Variants in NTN1 observed in about 807,000 individuals in gnomAD.
The protein encoded by NTN1 is netrin-1.
NTN1 carries 11 observed loss-of-function variants against 54.2 expected under a neutral mutation model. The observed-to-expected ratio is 0.20, with a 90% CI of 0.13 to 0.34. The LOEUF (loss-of-function observed/expected upper bound fraction) is 0.34, where lower values mean the gene tolerates loss of function less well. Among genes scored for constraint, NTN1 ranks in the 10% least tolerant of loss-of-function variants. The probability of loss-of-function intolerance (pLI) is 1.00; values close to 1 mark genes in which losing one functional copy is unlikely to be tolerated. For missense variants in NTN1, 740 were observed against 893.1 expected (o/e 0.83, Z 2.18); for synonymous variants, 371 against 382.0 (o/e 0.97, Z 0.33).
At chr17:9,114,166 A>AAAATATATATATAT (rs1555569108) in intron 2 of NTN1, among the ~76,000 whole-genome samples, 1 of 74,622 alleles carries the variant, frequency 1.3e-5, no homozygotes, top group African/African-American at 5.8e-5. Context: ...AAAAAAAAAA[A>AAAATATATATATAT]ATATATATAT....
chr17:9,102,760 G>C (rs1300869568), intron 2 of NTN1, among the ~76,000 whole-genome samples: 1 of 152,184 alleles, frequency 6.6e-6, no homozygotes, highest in East Asian at 1.9e-4. Flanking sequence ...AGTAGCTTGT[G>C]ATATGTCATA....
At chr17:9,138,916 G>A (rs2092289369) in intron 2 of NTN1, among the ~76,000 whole-genome samples, 1 of 152,172 alleles carries the variant, frequency 6.6e-6, no homozygotes, top group African/African-American at 2.4e-5. Flanking sequence ...TTGGGGCAGT[G>A]AGCAGATGCA....
In NTN1 at chr17:9,127,914, C is replaced by G. The variant is rs1247964096; in HGVS notation, c.1019-34899C>G. Among the ~76,000 whole-genome samples the G allele has an allele frequency of 2.6e-5, 4 of 151,454 alleles. No homozygotes were observed. In the East Asian group the frequency reaches 7.8e-4, roughly 29 times the overall value. On this transcript the variant is annotated intron_variant, in intron 2 of 6. Coordinates refer to ENST00000173229, the MANE Select transcript of NTN1 (RefSeq NM_004822.3). ...GGTGGATCACCTGAGGTCGGGAGTT[C>G]GAGACCAGCCTGGCCAACATGGTGA...
intron 2 of NTN1, among the ~76,000 whole-genome samples, chr17:9,132,788 C>G (rs2092269830): frequency 6.6e-6 from 1 of 152,170 alleles, no homozygotes; most frequent in South Asian, 2.1e-4. Context: ...GCAGGAGATT[C>G]ACTTGAACCC....
intron 2 of NTN1, among the ~76,000 whole-genome samples, chr17:9,152,853 C>G (rs1041933950): frequency 2.0e-5 from 3 of 152,182 alleles, no homozygotes; most frequent in African/African-American, 7.2e-5. Flanking sequence ...GGTCACACAC[C>G]TGGGGGAGTC....
chr17:9,005,086 C>G, the NTN1 span, among the ~76,000 whole-genome samples: 5 of 152,190 alleles, frequency 3.3e-5, no homozygotes, highest in African/African-American at 1.2e-4. Context: ...GCTCCCACCA[C>G]TGACCACCAA....
At chr17:9,107,227 G>A (rs1456833875) in intron 2 of NTN1, among the ~76,000 whole-genome samples, 3 of 152,200 alleles carry the variant, frequency 2.0e-5, no homozygotes, top group Admixed American at 2.0e-4. Flanking sequence ...AAACTGTTTG[G>A]AGACATTTTG....
intron 2 of NTN1, among the ~76,000 whole-genome samples, chr17:9,077,980 G>C (rs2092057015): frequency 1.3e-5 from 2 of 152,154 alleles, no homozygotes; most frequent in African/African-American, 4.8e-5. Flanking sequence ...CCACTCCTGT[G>C]TTCCCATTCC....
At chr17:9,074,310 C>T (rs2092042103) in intron 2 of NTN1, among the ~76,000 whole-genome samples, 1 of 152,232 alleles carries the variant, frequency 6.6e-6, no homozygotes, top group South Asian at 2.1e-4. Context: ...GGTGCTGTGA[C>T]TCATTCTCAT....
In NTN1 at chr17:9,178,302, C is replaced by T. The variant is rs138297434; in HGVS notation, c.1208-1505C>T. ...GGCAGGGAGCCCTGTAGGCTGCCCC[C>T]GTGCCAGGGCCTGTGCCCCCACCCT... On this transcript the variant is annotated intron_variant, in intron 3 of 6. Coordinates refer to ENST00000173229, the MANE Select transcript of NTN1 (RefSeq NM_004822.3). Among the ~76,000 whole-genome samples the T allele has an allele frequency of 3.9e-3, 593 of 152,334 alleles. 5 individuals are homozygous for T. The highest frequency in any genetic ancestry group is 0.023 in the East Asian group (120 of 5,164).
rs996159542 is a variant in NTN1, at chr17:9,211,315, C to T, written c.1412-9853C>T. Among the ~76,000 whole-genome samples the T allele has an allele frequency of 6.6e-6, 1 of 152,180 alleles. No homozygotes were observed. Among genetic ancestry groups the T allele is most frequent in the African/African-American group, 2.4e-5 (1 of 41,448 alleles). On this transcript the variant is annotated intron_variant, in intron 5 of 6. Coordinates refer to ENST00000173229, the MANE Select transcript of NTN1 (RefSeq NM_004822.3). The surrounding 1 kb of genome is among the most constrained non-coding windows in gnomAD (Gnocchi z 4.4). The stretch of plus-strand genomic sequence containing the variant: ...GGCTGATCCCTTGTCATCTGAGTGT[C>T]ACCTCCTGGGATGGGTCTAAGTAGG...
At chr17:9,052,003 G>A (rs144998649) in intron 2 of NTN1, among the ~76,000 whole-genome samples, 2 of 151,178 alleles carry the variant, frequency 1.3e-5, no homozygotes, top group Non-Finnish European at 2.9e-5. Context: ...GCGGAGTTTC[G>A]CTCTTGCTGC....
At chr17:9,189,936 A>G (rs934472857) in intron 5 of NTN1, among the ~76,000 whole-genome samples, 3 of 152,224 alleles carry the variant, frequency 2.0e-5, no homozygotes, top group African/African-American at 7.2e-5. Flanking sequence ...CAAGGTAGCC[A>G]GGGTGAGACA....
At chr17:9,196,152 G>A (rs1904629207) in intron 5 of NTN1, among the ~76,000 whole-genome samples, 1 of 152,156 alleles carries the variant, frequency 6.6e-6, no homozygotes, top group Non-Finnish European at 1.5e-5. Context: ...CAGGGCCTGG[G>A]GTGCAGAGCC....
At chr17:9,210,560 G>A (rs1905078338) in intron 5 of NTN1, among the ~76,000 whole-genome samples, 1 of 152,004 alleles carries the variant, frequency 6.6e-6, no homozygotes, top group African/African-American at 2.4e-5. Context: ...GAATACAGAT[G>A]TCATTTACTA....
intron 6 of NTN1, among the ~76,000 whole-genome samples, chr17:9,223,494 G>A (rs1204081438): frequency 6.6e-6 from 1 of 152,098 alleles, no homozygotes; most frequent in Non-Finnish European, 1.5e-5. Flanking sequence ...AGAGGTTGCA[G>A]TGAGCTGAGA....
chr17:9,043,080 T>G (rs1351919351), intron 2 of NTN1, among the ~76,000 whole-genome samples: 2 of 152,230 alleles, frequency 1.3e-5, no homozygotes, highest in Non-Finnish European at 2.9e-5. Flanking sequence ...TCTGGTAATT[T>G]GTTTTTTTTT....
intron 2 of NTN1, among the ~76,000 whole-genome samples, chr17:9,072,774 C>T (rs970812169): frequency 2.6e-5 from 4 of 152,214 alleles, no homozygotes; most frequent in Non-Finnish European, 5.9e-5. Flanking sequence ...AAGGGAGGCC[C>T]TGCCAAGCCC....
In NTN1 at chr17:9,022,691, C is replaced by T. The variant is rs1002515710; in HGVS notation, c.318C>T (p.Ala106=). The T allele has an allele frequency of 5.0e-6, 8 of 1,592,504 alleles. No individual in the cohort carries two copies. Among genetic ancestry groups the T allele is most frequent in the Non-Finnish European group, 5.1e-6 (6 of 1,170,894 alleles). The change falls in exon 2 of 7, where the codon GCC becomes GCT. Residue 106 remains alanine, a synonymous_variant. Coordinates refer to ENST00000173229, the MANE Select transcript of NTN1 (RefSeq NM_004822.3). ...ASDPKKAHPP[A]FLTDLNNPHN... ...ACCCCAAGAAGGCGCACCCGCCCGC[C>T]TTCCTCACCGACCTCAACAACCCGC...
Sources: allele counts gnomAD v4.1 joint callset (sites outside exome capture counted in the v4.1 genomes callset), GRCh38; gene constraint gnomAD v4.1.1; non-coding constraint Gnocchi (gnomAD v3.1); transcripts MANE v1.5; gene names NCBI Gene and HGNC (gene_info 2026-07-23, HGNC 2026-07-21).